Variants in PRH1 observed in about 807,000 individuals in gnomAD.
PRH1 encodes salivary acidic proline-rich phosphoprotein 1/2.
Under a neutral mutation model 7.9 loss-of-function variants are expected in PRH1, and 7 were observed. That is an observed-to-expected ratio of 0.89 (90% CI 0.50 to 1.67). PRH1 has a LOEUF of 1.67. Ranked by LOEUF, PRH1 falls within the 40% of genes most tolerant of loss-of-function variation. The probability of loss-of-function intolerance (pLI) is 0.00; values close to 1 mark genes in which losing one functional copy is unlikely to be tolerated. For missense variants in PRH1, 109 were observed against 223.6 expected (o/e 0.49, Z 3.27); for synonymous variants, 45 against 80.8 (o/e 0.56, Z 2.38).
chr12:11,029,967 G>A (rs970779980), intron 1 of PRH1, among the ~76,000 whole-genome samples: 1 of 152,098 alleles, frequency 6.6e-6, no homozygotes, highest in African/African-American at 2.4e-5. Context: ...TGAATTCTAA[G>A]CACAATGTGG....
chr12:11,069,144 T>C (rs1254685082), intron 1 of PRH1, among the ~76,000 whole-genome samples: 4 of 149,448 alleles, frequency 2.7e-5, no homozygotes, highest in African/African-American at 9.8e-5. Flanking sequence ...TCTCCAATAA[T>C]TGTGCTCAAG....
At chr12:10,885,409 C>T (rs1308983245), upstream of PRH1, among the ~76,000 whole-genome samples, 1 of 151,934 alleles carries the variant, frequency 6.6e-6, no homozygotes, top group East Asian at 1.9e-4. Context: ...TTTTTTCTCC[C>T]TACAAAGGTG....
intron 2 of PRH1, among the ~76,000 whole-genome samples, chr12:10,954,444 AG>A (rs1219269563): frequency 1.3e-5 from 2 of 150,026 alleles, no homozygotes; most frequent in Non-Finnish European, 3.0e-5. Context: ...AAATAGAAGC[AG>A]GGTTGCTATT....
intron 2 of PRH1, among the ~76,000 whole-genome samples, chr12:10,972,101 C>T (rs11054123): frequency 0.24 from 36,999 of 151,864 alleles, 4,556 homozygotes; most frequent in Non-Finnish European, 0.25. Context: ...GTTTAACAGG[C>T]CCTGAAAGGA....
intron 1 of PRH1, among the ~76,000 whole-genome samples, chr12:11,090,905 G>A (rs1467969276): frequency 9.1e-6 from 1 of 110,146 alleles, no homozygotes; most frequent in African/African-American, 3.0e-5. Flanking sequence ...TTTTTCCGGG[G>A]ATAAGCTCTT....
intron 1 of PRH1, among the ~76,000 whole-genome samples, chr12:11,093,814 T>C (rs1171539243): frequency 8.8e-6 from 1 of 114,060 alleles, no homozygotes; most frequent in Non-Finnish European, 2.1e-5. Flanking sequence ...CCTCTTTCCA[T>C]AGAGATTTGA....
chr12:11,132,232 C>A (rs753839563), intron 1 of PRH1, among the ~76,000 whole-genome samples: 2 of 79,674 alleles, frequency 2.5e-5, no homozygotes, highest in Non-Finnish European at 6.5e-5. Flanking sequence ...TACACTAGGA[C>A]AAATCCCATA....
At chr12:11,154,959 G>GTA in intron 1 of PRH1, among the ~76,000 whole-genome samples, 1 of 152,242 alleles carries the variant, frequency 6.6e-6, no homozygotes. Flanking sequence ...AGCCCCAATA[G>GTA]TATACAGTTG....
chr12:11,100,401 A>C (rs765464561), intron 1 of PRH1, among the ~76,000 whole-genome samples: 1 of 152,180 alleles, frequency 6.6e-6, no homozygotes, highest in Non-Finnish European at 1.5e-5. Context: ...ATTTGATGTG[A>C]GGAGTTTTTT....
chr12:10,999,523 A>T (rs1159517158), intron 1 of PRH1, among the ~76,000 whole-genome samples: 2 of 152,168 alleles, frequency 1.3e-5, no homozygotes, highest in Non-Finnish European at 2.9e-5. Context: ...TTTTTAAATA[A>T]AATTATAATG....
chr12:11,117,514 A>C (rs1489051438), downstream of PRH1, among the ~76,000 whole-genome samples: 1 of 152,162 alleles, frequency 6.6e-6, no homozygotes, highest in Non-Finnish European at 1.5e-5. Context: ...GATTCAATGC[A>C]ATTCCTATCA....
intron 1 of PRH1, among the ~76,000 whole-genome samples, chr12:10,989,996 G>A (rs376761963): frequency 5.9e-5 from 9 of 151,946 alleles, no homozygotes; most frequent in Non-Finnish European, 8.8e-5. Flanking sequence ...GAAAATATAC[G>A]GATGTCTCAG....
At chr12:11,105,927 T>A (rs1291561733) in intron 1 of PRH1, among the ~76,000 whole-genome samples, 1 of 128,592 alleles carries the variant, frequency 7.8e-6, no homozygotes, top group African/African-American at 2.7e-5. Context: ...TACTTTTGAA[T>A]AACTTATTCT....
chr12:11,052,403 T>C (rs1037108633), intron 1 of PRH1, among the ~76,000 whole-genome samples: 15 of 152,218 alleles, frequency 9.9e-5, no homozygotes, highest in African/African-American at 3.6e-4. Flanking sequence ...AATGCAATTC[T>C]TATCAACATA....
chr12:11,072,677 C>T (rs1243492672), intron 1 of PRH1, among the ~76,000 whole-genome samples: 1 of 152,150 alleles, frequency 6.6e-6, no homozygotes, highest in Non-Finnish European at 1.5e-5. Context: ...GGGCAGAGTT[C>T]CATAAATTTA....
At chr12:11,061,426 A>G (rs372278369) in intron 1 of PRH1, 8 of 1,450,214 alleles carry the variant, frequency 5.5e-6, no homozygotes, top group Non-Finnish European at 7.4e-6. Context: ...AACTGAAAGA[A>G]AAGTCTGCTT....
chr12:11,086,210 G>T (rs1591985026), intron 1 of PRH1, among the ~76,000 whole-genome samples: 1 of 144,580 alleles, frequency 6.9e-6, no homozygotes, highest in Non-Finnish European at 1.5e-5. Flanking sequence ...CATTTTCAAT[G>T]TTTATCAAGC....
At chr12:11,074,988 A>G (rs754597823) in intron 1 of PRH1, among the ~76,000 whole-genome samples, 3 of 151,138 alleles carry the variant, frequency 2.0e-5, no homozygotes, top group Non-Finnish European at 4.4e-5. Context: ...CAACATCATG[A>G]TACATGGTTT....
chr12:10,908,972 G>C (rs756868681), intron 2 of PRH1: 39 of 1,613,650 alleles, frequency 2.4e-5, no homozygotes, highest in Non-Finnish European at 3.2e-5. Context: ...TCGCTATTTT[G>C]AGCAAATAAA....
Sources: gnomAD v4.1 joint callset for allele counts (sites outside exome capture counted in the v4.1 genomes callset) on GRCh38, gnomAD v4.1.1 for gene constraint, MANE v1.5 for transcripts, NCBI Gene and HGNC (gene_info 2026-07-23, HGNC 2026-07-21) for gene names.